The following ETV3L variants were observed in gnomAD, a reference collection of about 807,000 sequenced individuals.
The protein encoded by ETV3L is ETS translocation variant 3-like protein.
A neutral mutation model predicts 27.6 loss-of-function variants in ETV3L; 30 were observed. That is an observed-to-expected ratio of 1.09 (90% confidence interval 0.81 to 1.48). The LOEUF (loss-of-function observed/expected upper bound fraction) is 1.48. Ranked by LOEUF, ETV3L falls within the 40% of genes most tolerant of loss-of-function variation. The pLI is 0.00. For missense variants in ETV3L, 443 were observed against 455.6 expected, an observed-to-expected ratio of 0.97 and a Z score of 0.25; for synonymous variants, 186 against 188.9, an observed-to-expected ratio of 0.98 and a Z score of 0.12.
chr1:157,098,679 T>C, intron 3 of ETV3L, 27 bp downstream of exon 3: 1 of 1,542,860 alleles, frequency 6.5e-7, no homozygotes, highest in South Asian at 1.3e-5. Flanking sequence ...GGTGGAGCCC[T>C]GAGACAGGGG....
rs1558019149 is a variant in ETV3L at position 157,092,488 on chromosome 1, C to T, written c.*161G>A. ...GTTTTTCCCATTTCCACATTCACAC[C>T]TTCCCTGCAATGCTCCCCACCTTGG... On this transcript the variant is annotated 3_prime_UTR_variant, in exon 5 of 5. Transcript: ENST00000454449. The T allele has an allele frequency of 8.0e-6, 5 of 626,518 alleles. No individual in the cohort carries two copies. Among genetic ancestry groups the T allele is most frequent in the South Asian group, 2.2e-5 (1 of 45,868 alleles). 38.8% of individuals were successfully genotyped at this position (626,518 alleles called of 1,614,324 possible).
At position 157,099,273 on chromosome 1, in the gene ETV3L, C is replaced by T. The variant is rs150322506; in HGVS notation, c.164G>A (p.Arg55His). 2.1e-4 allele frequency: 332 copies of T among 1,614,072 alleles called. No individual in the cohort carries two copies. Among genetic ancestry groups the T allele is most frequent in the Admixed American group, 3.2e-4 (19 of 60,020 alleles). The change falls in exon 2 of 5, where the codon CGC (arginine) becomes CAC (histidine). Residue 55 changes from arginine to histidine, a missense_variant. Transcript: ENST00000454449. ...TCCCTGCTGCCAGGCGATGACATGG[C>T]GGAACTCTTCCTTCTGCAGCAGCTC... is the stretch of plus-strand genomic sequence containing the variant. ...ILELLQKEEF[R>H]HVIAWQQGEY...
intron 4 of ETV3L, among the ~76,000 whole-genome samples, chr1:157,096,137 G>A (rs947856570): frequency 4.6e-5 from 7 of 151,844 alleles, no homozygotes; most frequent in African/African-American, 7.3e-5. Flanking sequence ...CTATTCTCTC[G>A]CTCGCCATGC....
intron 3 of ETV3L, among the ~76,000 whole-genome samples, chr1:157,098,364 G>A (rs1674272743): frequency 6.6e-6 from 1 of 152,128 alleles, no homozygotes; most frequent in South Asian, 2.1e-4. Context: ...CCAAAGTGCT[G>A]GGATTACAGG....
In ETV3L at chr1:157,099,623, G is replaced by A; in HGVS notation, c.-100C>T. On this transcript the variant is annotated 5_prime_UTR_variant, in exon 1 of 5. Coordinates refer to ENST00000454449, the MANE Select transcript of ETV3L (RefSeq NM_001004341.2). The stretch of plus-strand genomic sequence containing the variant: ...AGGCAGAGGGGAGGACAGTGAAAGA[G>A]GAAGGAAAAATGGAGGGAAAGAAGG... 1.0e-6 allele frequency: 1 copy of A among 999,182 alleles called. No homozygotes were observed. The highest frequency in any genetic ancestry group is 1.5e-6 in the Non-Finnish European group (1 of 660,048). The allele number at this position is 999,182 out of a possible 1,614,324, so 61.9% of individuals were successfully genotyped here.
chr1:157,099,661 G>C lies in ETV3L; in HGVS notation c.-138C>G. 2.8e-6 allele frequency: 2 copies of C among 714,672 alleles called. No individual in the cohort carries two copies. Among genetic ancestry groups the C allele is most frequent in the Non-Finnish European group, 4.7e-6 (2 of 422,714 alleles). 44.3% of individuals were successfully genotyped at this position (714,672 alleles called of 1,614,324 possible). On this transcript the variant is annotated 5_prime_UTR_variant, in exon 1 of 5. Transcript: ENST00000454449. ...GAGGGAAAGAAGGAAGGAAGGGAGAGGGTCAGGAAAGAAAGAGAGAAAAGG... is the reference window on the plus strand; with the variant it reads ...GAGGGAAAGAAGGAAGGAAGGGAGACGGTCAGGAAAGAAAGAGAGAAAAGG...
At position 157,092,801 on chromosome 1, in the gene ETV3L, C is replaced by T; in HGVS notation, c.934G>A (p.Val312Ile). The change falls in exon 5 of 5, where the codon GTA (valine) becomes ATA (isoleucine). Residue 312 changes from valine to isoleucine, a missense_variant. Physicochemically the swap from Val to Ile is conservative, Grantham distance 29. Coordinates refer to ENST00000454449, the MANE Select transcript of ETV3L (RefSeq NM_001004341.2). ...GCCTCCATCATGGGAGCAGGCTTTA[C>T]TTCCAGCCCCTCGGGCCTGAGGGAC... ...LLSLRPEGLEVKPAPMMEAKG... is the reference protein window; with the variant it reads ...LLSLRPEGLEIKPAPMMEAKG... 2 of 1,614,196 alleles carry T rather than the reference C, an allele frequency of 1.2e-6. No individual in the cohort carries two copies. Among genetic ancestry groups the T allele is most frequent in the South Asian group, 1.1e-5 (1 of 91,090 alleles).
chr1:157,093,262 T>C, intron 4 of ETV3L, 135 bp from the exon 5 acceptor site: 1 of 581,354 alleles, frequency 1.7e-6, no homozygotes. Flanking sequence ...CTTTTCTTTC[T>C]GTCTTATTTT....
intron 4 of ETV3L, among the ~76,000 whole-genome samples, chr1:157,094,773 C>T (rs2103182374): frequency 6.6e-6 from 1 of 152,056 alleles, no homozygotes; most frequent in East Asian, 1.9e-4. Flanking sequence ...ATTAGCCGGG[C>T]GTGGTGGCAC....
At chr1:157,093,266 T>C (rs1195140934) in intron 4 of ETV3L, 139 bp from the exon 5 acceptor site, 1 of 580,982 alleles carries the variant, frequency 1.7e-6, no homozygotes, top group African/African-American at 1.9e-5. Context: ...TCTTTCTGTC[T>C]TATTTTTTTG....
chr1:157,093,163 C>T (rs1215542211), intron 4 of ETV3L, 36 bp from the exon 5 acceptor site: 2 of 1,369,444 alleles, frequency 1.5e-6, no homozygotes, highest in South Asian at 3.3e-5. Flanking sequence ...CAAGGGAGCC[C>T]AACCTCTCGC....
chr1:157,098,970 C>T, intron 2 of ETV3L, 75 bp from the exon 3 acceptor site: 1 of 1,512,014 alleles, frequency 6.6e-7, no homozygotes, highest in Non-Finnish European at 9.0e-7. Flanking sequence ...TCACATTCTC[C>T]TCCCTAGCCG....
In ETV3L at chr1:157,092,548, G is replaced by T; in HGVS notation, c.*101C>A. The T allele has an allele frequency of 2.0e-6, 2 of 996,912 alleles. No individual in the cohort carries two copies. The highest frequency in any genetic ancestry group is 1.5e-6 in the Non-Finnish European group (1 of 675,874). The allele number at this position is 996,912 out of a possible 1,614,324, so 61.8% of individuals were successfully genotyped here. A position where few individuals can be genotyped will look rare whatever the true frequency, so the allele number is the denominator to read the frequency against. On this transcript the variant is annotated 3_prime_UTR_variant, in exon 5 of 5. Transcript: ENST00000454449. The stretch of plus-strand genomic sequence containing the variant: ...CACCCCTTCAAATCCTGCAATTTCA[G>T]CCCATGTCCAGCCAGGGGAAGGGGC...
rs767688626 is a variant in ETV3L at position 157,099,208 on chromosome 1, C to G, written c.229G>C (p.Ala77Pro). 22 of 1,613,014 alleles carry G rather than the reference C, an allele frequency of 1.4e-5. No homozygotes were observed. The African/African-American group carries it at 2.9e-4, about 22-fold the overall frequency. ...EFVIKDPDEV[A>P]RLWGRRKCKP... is the part of the protein sequence containing the mutation. ...CATTTCCTGCGGCCCCAGAGGCGGGCCACCTCATCTGGATCCTTGATGACA... is the reference window on the plus strand; with the variant it reads ...CATTTCCTGCGGCCCCAGAGGCGGGGCACCTCATCTGGATCCTTGATGACA... The change falls in exon 2 of 5, where the codon GCC (alanine) becomes CCC (proline). Residue 77 changes from alanine (A) to proline (P), a missense_variant. Physicochemically the swap from Ala to Pro is conservative, Grantham distance 27. Coordinates refer to ENST00000454449, the MANE Select transcript of ETV3L (RefSeq NM_001004341.2).
chr1:157,097,158 T>C (rs6427351), intron 4 of ETV3L, among the ~76,000 whole-genome samples: 19,555 of 151,756 alleles, frequency 0.13, 1,669 homozygotes, highest in East Asian at 0.45. Flanking sequence ...GCTACACTTG[T>C]TCACAGCTTT....
intron 4 of ETV3L, among the ~76,000 whole-genome samples, chr1:157,095,113 G>A (rs1445035340): frequency 6.6e-6 from 1 of 152,076 alleles, no homozygotes; most frequent in South Asian, 2.1e-4. Flanking sequence ...TGGGTCCTTA[G>A]ATGAGGTGGA....
rs1674302816 is a variant in ETV3L, at chr1:157,099,525, G to T, written c.-2C>A. On this transcript the variant is annotated 5_prime_UTR_variant, in exon 1 of 5. Coordinates refer to ENST00000454449, the MANE Select transcript of ETV3L (RefSeq NM_001004341.2). ...CTCAGCCAAGCAGCTGCAGTGCATG[G>T]TCCACTCCGGCGAGATGGGCTGTGT... The T allele has an allele frequency of 1.9e-6, 3 of 1,608,600 alleles. No homozygotes were observed. Among genetic ancestry groups the T allele is most frequent in the African/African-American group, 2.7e-5 (2 of 74,840 alleles).
Position 157,098,085 on chromosome 1 carries a change from A to G in ETV3L, c.487-97T>C. 2.2e-6 allele frequency: 3 copies of G among 1,394,244 alleles called. No individual in the cohort carries two copies. The South Asian group carries it at 4.5e-5, about 21-fold the overall frequency. The allele number at this position is 1,394,244 out of a possible 1,614,324, so 86.4% of individuals were successfully genotyped here. On this transcript the variant is annotated intron_variant, in intron 3 of 4. Coordinates refer to ENST00000454449, the MANE Select transcript of ETV3L (RefSeq NM_001004341.2). ...CTGTTAGCCAGTTGCTAAAACAATGAAATACTCTCATACCGATTTTTTTTT... is the reference window on the plus strand; with the variant it reads ...CTGTTAGCCAGTTGCTAAAACAATGGAATACTCTCATACCGATTTTTTTTT...
At position 157,093,060 on chromosome 1, in the gene ETV3L, C is replaced by A; in HGVS notation, c.675G>T (p.Glu225Asp). The A allele has an allele frequency of 6.5e-7, 1 of 1,540,358 alleles. No homozygotes were observed. Among genetic ancestry groups the A allele is most frequent in the Non-Finnish European group, 8.7e-7 (1 of 1,143,644 alleles). ...GAGTGAAGGAGGCAACACCAGGCAG[C>A]TCGCCTTGGACGCTCCCCAAATGGC... ...LCCHLGSVQG[E>D]LPGVASFTPP... The change falls in exon 5 of 5, where the codon GAG (glutamate) becomes GAT (aspartate). Residue 225 changes from glutamate to aspartate, a missense_variant. Coordinates refer to ENST00000454449, the MANE Select transcript of ETV3L (RefSeq NM_001004341.2).
Sources: gnomAD v4.1 joint callset for allele counts (sites outside exome capture counted in the v4.1 genomes callset) on GRCh38, gnomAD v4.1.1 for gene constraint, MANE v1.5 for transcripts, NCBI Gene and HGNC (gene_info 2026-07-23, HGNC 2026-07-21) for gene names.